The following UNC5B variants were observed in gnomAD, a reference collection of about 807,000 sequenced individuals.
The protein encoded by UNC5B is netrin receptor UNC5B.
UNC5B carries 56 observed loss-of-function variants against 103.7 expected under a neutral mutation model. The ratio of observed to expected loss-of-function variants is 0.54; its 90% confidence interval spans 0.44 to 0.67. The LOEUF (loss-of-function observed/expected upper bound fraction) is 0.67. Among genes scored for constraint, UNC5B ranks in the 30% least tolerant of loss-of-function variants. The probability of loss-of-function intolerance (pLI) is 0.00; values close to 1 mark genes in which losing one functional copy is unlikely to be tolerated. For synonymous variants in UNC5B, 577 were observed against 542.0 expected (o/e 1.06, Z -0.90); for missense variants, 1,194 against 1,284.5 (o/e 0.93, Z 1.08).
chr10:71,217,357 G>C (rs1429623147), intron 1 of UNC5B: 1 of 152,308 alleles, frequency 6.6e-6, no homozygotes, highest in Non-Finnish European at 1.5e-5. Flanking sequence ...TCAAGAGGTT[G>C]GGACTGGGGC....
Position 71,279,931 on chromosome 10 carries a change from C to G in UNC5B, c.190C>G (p.Pro64Ala). Residue 64 changes from proline (P) to alanine (A), a missense_variant, in exon 2 of 17, where the codon CCT (proline) becomes GCT (alanine). By Grantham distance (27) the Pro-to-Ala change is conservative. Transcript: ENST00000335350. ...PQDAYIVKNK[P>A]VELRCRAFPA... is the part of the protein sequence containing the mutation. ...GGACGCCTACATTGTGAAGAACAAG[C>G]CTGTGGAGCTCCGCTGCCGCGCCTT... The G allele has an allele frequency of 6.2e-7, 1 of 1,613,996 alleles. No homozygotes were observed. Among genetic ancestry groups the G allele is most frequent in the Non-Finnish European group, 8.5e-7 (1 of 1,180,016 alleles).
chr10:71,292,117 G>A (rs1466695652), intron 10 of UNC5B, among the ~76,000 whole-genome samples: 1 of 152,216 alleles, frequency 6.6e-6, no homozygotes, highest in African/African-American at 2.4e-5. Flanking sequence ...GACCTACAAA[G>A]CACTGTCCTG....
intron 13 of UNC5B, among the ~76,000 whole-genome samples, chr10:71,295,136 A>G (rs1845373882): frequency 6.6e-6 from 1 of 151,108 alleles, no homozygotes; most frequent in African/African-American, 2.5e-5. Context: ...CCCATGGGAG[A>G]AGGAGTGTCC....
chr10:71,228,565 G>A (rs1283418258), intron 1 of UNC5B, among the ~76,000 whole-genome samples: 3 of 152,130 alleles, frequency 2.0e-5, no homozygotes, highest in Admixed American at 1.3e-4. Context: ...AAAAAGACAC[G>A]GACAGACAAT....
chr10:71,212,843 C>T lies in UNC5B; in HGVS notation c.-143C>T, dbSNP rs1454442622. The T allele has an allele frequency of 4.9e-5, 29 of 596,830 alleles. No individual in the cohort carries two copies. Among genetic ancestry groups the T allele is most frequent in the Non-Finnish European group, 6.8e-5 (28 of 411,772 alleles). 37.0% of individuals were successfully genotyped at this position (596,830 alleles called of 1,614,324 possible). On this transcript the variant is annotated 5_prime_UTR_variant, in exon 1 of 17. Coordinates refer to ENST00000335350, the MANE Select transcript of UNC5B (RefSeq NM_170744.5). The stretch of plus-strand genomic sequence containing the variant: ...CCTCCGCGCAGCGTGGCTTCCGCTG[C>T]CCCCACGGAAGGCACGGGCTGGCGC...
intron 1 of UNC5B, among the ~76,000 whole-genome samples, chr10:71,240,850 C>A (rs557155618): frequency 6.6e-6 from 1 of 152,344 alleles, no homozygotes; most frequent in East Asian, 1.9e-4. Context: ...ATGGGGCAGG[C>A]CCCTTGGTAC....
chr10:71,221,348 A>G (rs1213993092), intron 1 of UNC5B, among the ~76,000 whole-genome samples: 1 of 152,178 alleles, frequency 6.6e-6, no homozygotes, highest in Non-Finnish European at 1.5e-5. Context: ...ACCCACTCCG[A>G]AGCTCAAGTG....
intron 1 of UNC5B, among the ~76,000 whole-genome samples, chr10:71,248,869 A>T (rs76739166): frequency 0.18 from 3,361 of 18,446 alleles, 51 homozygotes; most frequent in Non-Finnish European, 0.31. Context: ...TCTCTCTCTC[A>T]CACACACACA....
chr10:71,233,594 A>T (rs1006080309), intron 1 of UNC5B, among the ~76,000 whole-genome samples: 2 of 152,100 alleles, frequency 1.3e-5, no homozygotes, highest in Non-Finnish European at 2.9e-5. Flanking sequence ...GCCTGGCTTT[A>T]GTTTCTAGCT....
chr10:71,294,701 G>A (rs1241712208), intron 13 of UNC5B, among the ~76,000 whole-genome samples: 1 of 152,128 alleles, frequency 6.6e-6, no homozygotes, highest in African/African-American at 2.4e-5. Flanking sequence ...ATATGCAGAA[G>A]GATGGAGAGC....
chr10:71,231,269 G>C (rs554782160), intron 1 of UNC5B, among the ~76,000 whole-genome samples: 1 of 152,314 alleles, frequency 6.6e-6, no homozygotes, highest in Non-Finnish European at 1.5e-5. Flanking sequence ...GGTGAGGTGG[G>C]GGTTGGCGAG....
rs181887389 is a variant in UNC5B, at chr10:71,284,634, G to C, written c.305-86G>C. On this transcript the variant is annotated intron_variant, in intron 2 of 16. Transcript: ENST00000335350. The stretch of plus-strand genomic sequence containing the variant: ...GGCACTTGGGCAAGAGTGCCAGCAG[G>C]ATCCGAGGTGGAAGGCCGGGGGTGT... 457 of 1,582,524 alleles carry C rather than the reference G, an allele frequency of 2.9e-4. 2 individuals carry two copies. In the African/African-American group the frequency reaches 5.6e-3, roughly 19 times the overall value.
At chr10:71,236,607 C>T (rs913155248) in intron 1 of UNC5B, among the ~76,000 whole-genome samples, 2 of 152,202 alleles carry the variant, frequency 1.3e-5, no homozygotes, top group Admixed American at 1.3e-4. Context: ...AGGGCCCTCC[C>T]GCCCCACACT....
At chr10:71,270,243 G>A (rs145834377) in intron 1 of UNC5B, among the ~76,000 whole-genome samples, 2,338 of 151,876 alleles carry the variant, frequency 0.015, 52 homozygotes, top group African/African-American at 0.038. Context: ...TCAGATACTT[G>A]GGAGGCTGAT....
At chr10:71,239,882 T>C (rs114839374) in intron 1 of UNC5B, among the ~76,000 whole-genome samples, 1,563 of 152,258 alleles carry the variant, frequency 0.01, 20 homozygotes, top group African/African-American at 0.035. Flanking sequence ...ACCCTGTATA[T>C]ATACTAAACC....
At chr10:71,296,488 C>A (rs574604729) in intron 14 of UNC5B, 90 bp from the exon 15 acceptor site, 2 of 1,477,762 alleles carry the variant, frequency 1.4e-6, no homozygotes, top group South Asian at 2.6e-5. Flanking sequence ...AACTGCCCCC[C>A]AAAGCTCCCA....
chr10:71,264,808 A>G (rs1844487399), intron 1 of UNC5B, among the ~76,000 whole-genome samples: 1 of 152,048 alleles, frequency 6.6e-6, no homozygotes, highest in African/African-American at 2.4e-5. Flanking sequence ...GGTGCAGGCC[A>G]TGGTTTGAGT....
chr10:71,265,415 G>A (rs1238510467), intron 1 of UNC5B, among the ~76,000 whole-genome samples: 1 of 152,134 alleles, frequency 6.6e-6, no homozygotes, highest in Non-Finnish European at 1.5e-5. Flanking sequence ...TCCCCACCTG[G>A]CCTGCCCTGT....
At chr10:71,225,644 G>A (rs1011331532) in intron 1 of UNC5B, among the ~76,000 whole-genome samples, 1 of 152,194 alleles carries the variant, frequency 6.6e-6, no homozygotes, top group Non-Finnish European at 1.5e-5. Flanking sequence ...AGAAAACGGG[G>A]CAGGCAGGAC....
Sources: gnomAD v4.1 joint callset for allele counts (sites outside exome capture counted in the v4.1 genomes callset) on GRCh38, gnomAD v4.1.1 for gene constraint, MANE v1.5 for transcripts, NCBI Gene and HGNC (gene_info 2026-07-23, HGNC 2026-07-21) for gene names.